SGSM2: variants seen among roughly 807,000 people sequenced by gnomAD.
SGSM2 encodes RUN and TBC1 domain containing 1.
SGSM2 carries 89 observed loss-of-function variants against 126.6 expected under a neutral mutation model. That is an observed-to-expected ratio of 0.70 (90% CI 0.59 to 0.84). The LOEUF (loss-of-function observed/expected upper bound fraction) is 0.84. Among genes scored for constraint, SGSM2 ranks in the 40% least tolerant of loss-of-function variants. The probability of loss-of-function intolerance (pLI) is 0.00; values close to 1 mark genes in which losing one functional copy is unlikely to be tolerated. For missense variants in SGSM2, 1,404 were observed against 1,416.6 expected (o/e 0.99, Z 0.14); for synonymous variants, 614 against 574.3 (o/e 1.07, Z -0.99).
intron 21 of SGSM2, chr17:2,377,299 C>T (rs2066211648): frequency 4.1e-6 from 2 of 486,782 alleles, no homozygotes; most frequent in Non-Finnish European, 7.3e-6. Context: ...GCCTGGCCAA[C>T]ATCGTGAAAC....
rs1370972360 is a variant in SGSM2 at position 2,364,369 on chromosome 17, G to A, written c.932+186G>A. 4.1e-5 allele frequency: 36 copies of A among 883,562 alleles called. No homozygotes were observed. The South Asian group carries it at 4.3e-4, about 10-fold the overall frequency. The allele number at this position is 883,562 out of a possible 1,614,324, so 54.7% of individuals were successfully genotyped here. On this transcript the variant is annotated intron_variant, in intron 8 of 23. Transcript: ENST00000268989. ...CTCTAGGACGGAGCCAAGCCTGGCC[G>A]TGAAGAGGTTTGTCTGAGCCAAGCT...
chr17:2,380,406 C>T lies in SGSM2; in HGVS notation c.*886C>T. ...GTCACAGCCTCCCCTCAGAGACAGG[C>T]CTCAGTTCGAGGGCAGCCCATTATC... On this transcript the variant is annotated 3_prime_UTR_variant, in exon 24 of 24. Coordinates refer to ENST00000268989, the MANE Select transcript of SGSM2 (RefSeq NM_014853.3). 2.6e-6 allele frequency: 3 copies of T among 1,146,938 alleles called. No individual in the cohort carries two copies. The highest frequency in any genetic ancestry group is 3.8e-6 in the Non-Finnish European group (3 of 794,640). 71.0% of individuals were successfully genotyped at this position (1,146,938 alleles called of 1,614,324 possible).
At chr17:2,373,868 TGTCTCTGGGCAAGCACTTCCC>T (rs2151627824) in intron 17 of SGSM2, 2 of 228,750 alleles carry the variant, frequency 8.7e-6, no homozygotes, top group Admixed American at 5.1e-5. Flanking sequence ...ACAAGCTGAA[TGTCTCTGGGCAAGCACTTCCC>T]GTCTCTGGGT....
In SGSM2 at chr17:2,365,300, A is replaced by C. The variant is rs117713123; in HGVS notation, c.1247A>C (p.Tyr416Ser). 1.3e-6 allele frequency: 2 copies of C among 1,586,210 alleles called. No individual in the cohort carries two copies. The highest frequency in any genetic ancestry group is 4.6e-5 in the East Asian group (2 of 43,126). Reference sequence around the variant, plus strand: ...ATGGGCACGGGGCGGGCCACCGACTATGTGTTCCGGATCATCTACCCCGGC... The same window carrying C: ...ATGGGCACGGGGCGGGCCACCGACTCTGTGTTCCGGATCATCTACCCCGGC... Reference protein sequence around the residue: ...EEMGTGRATDYVFRIIYPGHR... With the variant: ...EEMGTGRATDSVFRIIYPGHR... The change falls in exon 11 of 24, where the codon TAT becomes TCT. Residue 416 changes from tyrosine to serine, a missense_variant. Coordinates refer to ENST00000268989, the MANE Select transcript of SGSM2 (RefSeq NM_014853.3).
intron 12 of SGSM2, among the ~76,000 whole-genome samples, chr17:2,370,619 G>T (rs1389126290): frequency 1.3e-5 from 2 of 150,846 alleles, no homozygotes; most frequent in African/African-American, 4.9e-5. Context: ...GCTAGGCAGG[G>T]ATGGAGCAGA....
chr17:2,365,523 C>T (rs1567829213), intron 11 of SGSM2, among the ~76,000 whole-genome samples, 182 bp downstream of exon 11: 1 of 152,138 alleles, frequency 6.6e-6, no homozygotes, highest in African/African-American at 2.4e-5. Context: ...TGAAAAGGTG[C>T]GTCTCTTCTA....
At position 2,362,207 on chromosome 17, in the gene SGSM2, T is replaced by C. The variant is rs1488840607; in HGVS notation, c.395T>C (p.Val132Ala). ...LSPQALKHVW[V>A]RTALIEKVLD... is the part of the protein sequence containing the mutation. Reference sequence around the variant, plus strand: ...CCTCAGGCCTTGAAACACGTATGGGTACGCACGGCGCTCATCGAGAAAGTT... The same window carrying C: ...CCTCAGGCCTTGAAACACGTATGGGCACGCACGGCGCTCATCGAGAAAGTT... Residue 132 changes from valine (V) to alanine (A), a missense_variant, in exon 4 of 24, where the codon GTA (valine) becomes GCA (alanine). By Grantham distance (64) the Val-to-Ala change is moderately conservative. Transcript: ENST00000268989. This position sits in a 1 kb window ranked among gnomAD's most constrained non-coding sequence, Gnocchi z 4.9. 1 of 1,613,488 alleles carries C rather than the reference T, an allele frequency of 6.2e-7. No homozygotes were observed.
At chr17:2,371,869 A>T (rs1358048919) in intron 13 of SGSM2, 1 of 426,456 alleles carries the variant, frequency 2.3e-6, no homozygotes, top group Non-Finnish European at 4.3e-6. Context: ...TTTTACCTTT[A>T]CTTCGTCTTC....
At position 2,379,742 on chromosome 17, in the gene SGSM2, AG is replaced by A. The variant is rs1235322755; in HGVS notation, c.*225del. On this transcript the variant is annotated 3_prime_UTR_variant, in exon 24 of 24. Coordinates refer to ENST00000268989, the MANE Select transcript of SGSM2 (RefSeq NM_014853.3). Reference sequence around the variant, plus strand: ...GGCCGGGATGGGAGGGGTCAGCCTCAGGGAGCAGCTGCCTTGGGGGACACAC... The same window carrying A: ...GGCCGGGATGGGAGGGGTCAGCCTCAGGAGCAGCTGCCTTGGGGGACACAC... The A allele has an allele frequency of 2.9e-5, 41 of 1,401,530 alleles. No homozygotes were observed. Among genetic ancestry groups the A allele is most frequent in the Middle Eastern group, 2.7e-4 (1 of 3,760 alleles). The allele number at this position is 1,401,530 out of a possible 1,614,324, so 86.8% of individuals were successfully genotyped here.
At chr17:2,361,995 C>A in intron 3 of SGSM2, 114 bp from the exon 4 acceptor site, 11 of 1,404,468 alleles carry the variant, frequency 7.8e-6, no homozygotes, top group Non-Finnish European at 1.1e-5. Flanking sequence ...ACCTCCCAAC[C>A]CCAGTCAGTT....
intron 13 of SGSM2, chr17:2,371,826 A>C: frequency 5.3e-6 from 2 of 380,276 alleles, no homozygotes; most frequent in Non-Finnish European, 9.6e-6. Context: ...GTGCCAGGGC[A>C]GTGAGTGAAT....
At position 2,380,132 on chromosome 17, in the gene SGSM2, G is replaced by A; in HGVS notation, c.*612G>A. ...AAGATGTGGGCCCTGGGTGGGAGCA[G>A]CCCACTTCAGCAGCACTGCCACTGC... On this transcript the variant is annotated 3_prime_UTR_variant, in exon 24 of 24. Coordinates refer to ENST00000268989, the MANE Select transcript of SGSM2 (RefSeq NM_014853.3). 1.4e-6 allele frequency: 2 copies of A among 1,432,622 alleles called. No homozygotes were observed. Among genetic ancestry groups the A allele is most frequent in the Non-Finnish European group, 1.8e-6 (2 of 1,093,960 alleles). The allele number at this position is 1,432,622 out of a possible 1,614,324, so 88.7% of individuals were successfully genotyped here.
chr17:2,369,877 G>A (rs2429913), intron 12 of SGSM2, among the ~76,000 whole-genome samples: 73,861 of 151,948 alleles, frequency 0.49, 18,847 homozygotes, highest in African/African-American at 0.64. Context: ...GGCTTGCAAC[G>A]CCCTCACTCC....
Position 2,367,086 on chromosome 17 carries a change from G to T in SGSM2, c.1289-185G>T. ...GGTTCTGCAGCTGCCCCAGCCCCTC[G>T]CCTCCTTCCACACTCTCCCAGGAAA... On this transcript the variant is annotated intron_variant, in intron 11 of 23. Coordinates refer to ENST00000268989, the MANE Select transcript of SGSM2 (RefSeq NM_014853.3). This position sits in a 1 kb window ranked among gnomAD's most constrained non-coding sequence, Gnocchi z 4.0. The T allele has an allele frequency of 3.2e-6, 2 of 631,178 alleles. No individual in the cohort carries two copies. The highest frequency in any genetic ancestry group is 5.3e-6 in the Non-Finnish European group (2 of 378,060). 39.1% of individuals were successfully genotyped at this position (631,178 alleles called of 1,614,324 possible). A position where few individuals can be genotyped will look rare whatever the true frequency, so the allele number is the denominator to read the frequency against.
At chr17:2,364,492 C>A in intron 8 of SGSM2, 104 bp from the exon 9 acceptor site, 1 of 1,276,446 alleles carries the variant, frequency 7.8e-7, no homozygotes, top group Non-Finnish European at 1.1e-6. Flanking sequence ...TATGGTCATC[C>A]TATCTTCAGG....
chr17:2,367,000 A>C, intron 11 of SGSM2: 1 of 414,472 alleles, frequency 2.4e-6, no homozygotes, highest in Non-Finnish European at 4.4e-6. Context: ...GGTCTTTCAC[A>C]TCCTCCCACC....
At position 2,377,968 on chromosome 17, in the gene SGSM2, G is replaced by C. The variant is rs370649596; in HGVS notation, c.2899+15G>C. 15 of 1,517,248 alleles carry C rather than the reference G, an allele frequency of 9.9e-6. No homozygotes were observed. The African/African-American group carries it at 1.9e-4, about 19-fold the overall frequency. 94.0% of individuals were successfully genotyped at this position (1,517,248 alleles called of 1,614,324 possible). A position where few individuals can be genotyped will look rare whatever the true frequency, so the allele number is the denominator to read the frequency against. On this transcript the variant is annotated intron_variant, in intron 22 of 23. Coordinates refer to ENST00000268989, the MANE Select transcript of SGSM2 (RefSeq NM_014853.3). ...TTTTAAGAGAGGTAAGAAGTGGGTT[G>C]GATCATGGGGCTGAGGTCAGGGACA...
rs767839368 is a variant in SGSM2 at position 2,362,077 on chromosome 17, C to G, written c.297-32C>G. ...CATTCTGGGGTTTACCCCTAGACCA[C>G]TGCACTCCTGGAGCCCTCCCCGCCT... is the stretch of plus-strand genomic sequence containing the variant. On this transcript the variant is annotated intron_variant, in intron 3 of 23. Coordinates refer to ENST00000268989, the MANE Select transcript of SGSM2 (RefSeq NM_014853.3). This position sits in a 1 kb window ranked among gnomAD's most constrained non-coding sequence, Gnocchi z 4.9. 1 of 1,596,954 alleles carries G rather than the reference C, an allele frequency of 6.3e-7. No homozygotes were observed. The highest frequency in any genetic ancestry group is 1.7e-4 in the Middle Eastern group (1 of 5,838).
chr17:2,359,699 C>A (rs1027118092), intron 2 of SGSM2, among the ~76,000 whole-genome samples: 2 of 152,182 alleles, frequency 1.3e-5, no homozygotes, highest in African/African-American at 4.8e-5. Context: ...ACTCCCCAGT[C>A]CCCACGGCCT....
Sources: allele counts gnomAD v4.1 joint callset (sites outside exome capture counted in the v4.1 genomes callset), GRCh38; gene constraint gnomAD v4.1.1; non-coding constraint Gnocchi (gnomAD v3.1); transcripts MANE v1.5; gene names NCBI Gene and HGNC (gene_info 2026-07-23, HGNC 2026-07-21).